DLGAP2: variants seen among roughly 807,000 people sequenced by gnomAD.
DLGAP2 encodes the protein disks large-associated protein 2.
A neutral mutation model predicts 100.3 loss-of-function variants in DLGAP2; 26 were observed. That is an observed-to-expected ratio of 0.26 (90% CI 0.19 to 0.36). The LOEUF (loss-of-function observed/expected upper bound fraction) is 0.36. Ranked by LOEUF, DLGAP2 falls within the 10% of genes least tolerant of loss-of-function variation. The pLI, the probability that DLGAP2 is intolerant of heterozygous loss-of-function variation, is 1.00. For missense variants in DLGAP2, 1,858 were observed against 1,453.2 expected, an observed-to-expected ratio of 1.28 and a Z score of -4.53; for synonymous variants, 886 against 630.1, an observed-to-expected ratio of 1.41 and a Z score of -6.08.
intron 2 of DLGAP2, among the ~76,000 whole-genome samples, chr8:1,121,330 A>G (rs1796041780): frequency 1.4e-5 from 2 of 147,354 alleles, no homozygotes; most frequent in African/African-American, 2.5e-5. Flanking sequence ...TTCAGAACCC[A>G]TGACCACCCA....
intron 7 of DLGAP2, among the ~76,000 whole-genome samples, chr8:1,630,998 G>A (rs1797630340): frequency 6.7e-6 from 1 of 148,666 alleles, no homozygotes; most frequent in Non-Finnish European, 1.5e-5. Flanking sequence ...TGTCCCGAGG[G>A]TCTCGGCGGG....
At chr8:1,276,076 A>G (rs1301922076) in intron 3 of DLGAP2, among the ~76,000 whole-genome samples, 6 of 142,318 alleles carry the variant, frequency 4.2e-5, no homozygotes, top group African/African-American at 1.0e-4. Flanking sequence ...AATATATAAT[A>G]TATAAATAAA....
At chr8:1,483,625 G>A (rs60734105) in intron 3 of DLGAP2, among the ~76,000 whole-genome samples, 198 of 130,162 alleles carry the variant, frequency 1.5e-3, no homozygotes, top group Admixed American at 3.0e-3. Flanking sequence ...CTGCTGTGCA[G>A]GAGGCTCAGG....
chr8:926,114 CT>C (rs1418455494), intron 2 of DLGAP2, among the ~76,000 whole-genome samples: 1 of 152,146 alleles, frequency 6.6e-6, no homozygotes, highest in Non-Finnish European at 1.5e-5. Flanking sequence ...GGAGGGATGG[CT>C]TTTCCTGGGC....
At chr8:787,714 G>A (rs1450956574) in intron 1 of DLGAP2, among the ~76,000 whole-genome samples, 2 of 152,168 alleles carry the variant, frequency 1.3e-5, no homozygotes, top group Non-Finnish European at 2.9e-5. Context: ...AGATCACCCT[G>A]GGGGCTGTCT....
chr8:862,629 C>G (rs1797415070), intron 1 of DLGAP2, among the ~76,000 whole-genome samples: 1 of 152,144 alleles, frequency 6.6e-6, no homozygotes, highest in South Asian at 2.1e-4. Context: ...ACTGTGTGAT[C>G]CTGGGAAAAC....
intron 4 of DLGAP2, among the ~76,000 whole-genome samples, chr8:1,541,189 C>A (rs1801351203): frequency 6.6e-6 from 1 of 152,184 alleles, no homozygotes; most frequent in African/African-American, 2.4e-5. Flanking sequence ...TCCACTGAGC[C>A]CCTAATGCAC....
chr8:801,091 G>A (rs373192932), intron 1 of DLGAP2, among the ~76,000 whole-genome samples: 7 of 152,288 alleles, frequency 4.6e-5, no homozygotes, highest in African/African-American at 1.2e-4. Context: ...ACCACGCTGC[G>A]TGTTCACAGA....
chr8:903,715 G>A lies in DLGAP2; in HGVS notation c.19-4197G>A, dbSNP rs143024240. 3.2e-3 allele frequency among the ~76,000 whole-genome samples: 493 copies of A among 152,262 alleles called. 1 individual carries two copies. Among genetic ancestry groups the A allele is most frequent in the Admixed American group, 6.9e-3 (106 of 15,290 alleles). On this transcript the variant is annotated intron_variant, in intron 1 of 14. Coordinates refer to ENST00000637795, the MANE Select transcript of DLGAP2 (RefSeq NM_001346810.2). ...CCGCCCGCACCCCGGTGATGTTATG[G>A]CTGAAACGTGTCTCCCAAAAAGTGT...
intron 2 of DLGAP2, among the ~76,000 whole-genome samples, chr8:999,319 A>G (rs1221949169): frequency 6.7e-6 from 1 of 149,234 alleles, no homozygotes; most frequent in Non-Finnish European, 1.5e-5. Flanking sequence ...TCCCCTTTCC[A>G]TCTCCTGTTA....
At chr8:1,196,687 A>G (rs1006794165) in intron 2 of DLGAP2, among the ~76,000 whole-genome samples, 2 of 152,186 alleles carry the variant, frequency 1.3e-5, no homozygotes, top group African/African-American at 4.8e-5. Context: ...AGGTAGTGCC[A>G]TCTGCCATGA....
At chr8:818,048 G>C (rs553087319) in intron 1 of DLGAP2, among the ~76,000 whole-genome samples, 68 of 152,268 alleles carry the variant, frequency 4.5e-4, no homozygotes, top group Admixed American at 5.9e-4. Context: ...CAGTGGGCAG[G>C]GCCATAGAGC....
chr8:898,352 C>G (rs1252132368), intron 1 of DLGAP2, among the ~76,000 whole-genome samples: 1 of 152,148 alleles, frequency 6.6e-6, no homozygotes, highest in African/African-American at 2.4e-5. Context: ...ACAAAGCACA[C>G]GCATCTCCTC....
At chr8:903,561 G>T (rs906176482) in intron 1 of DLGAP2, among the ~76,000 whole-genome samples, 3 of 152,086 alleles carry the variant, frequency 2.0e-5, no homozygotes, top group Non-Finnish European at 4.4e-5. Flanking sequence ...TCATCGCGAG[G>T]CAGCTTGTTT....
At chr8:1,686,489 G>A (rs1447296710) in intron 12 of DLGAP2, among the ~76,000 whole-genome samples, 2 of 152,144 alleles carry the variant, frequency 1.3e-5, no homozygotes, top group African/African-American at 4.8e-5. Flanking sequence ...CCAACATGGT[G>A]AAACCCTGTC....
intron 4 of DLGAP2, among the ~76,000 whole-genome samples, chr8:1,533,809 T>C (rs892917362): frequency 6.6e-6 from 1 of 152,062 alleles, no homozygotes; most frequent in African/African-American, 2.4e-5. Flanking sequence ...AATTAAAAAA[T>C]AGCCTGGCAC....
At chr8:893,317 C>T (rs945305431) in intron 1 of DLGAP2, among the ~76,000 whole-genome samples, 8 of 152,194 alleles carry the variant, frequency 5.3e-5, no homozygotes, top group South Asian at 4.1e-4. Flanking sequence ...AAGGCAGGCA[C>T]GGTGGAAGAC....
intron 4 of DLGAP2, among the ~76,000 whole-genome samples, chr8:1,545,631 T>C (rs1349621192): frequency 6.6e-6 from 1 of 152,222 alleles, no homozygotes; most frequent in Non-Finnish European, 1.5e-5. Context: ...AGCTTAGTGC[T>C]CGTTACATGT....
intron 6 of DLGAP2, among the ~76,000 whole-genome samples, chr8:1,605,210 C>T (rs904275621): frequency 2.6e-5 from 4 of 152,136 alleles, no homozygotes; most frequent in Admixed American, 6.5e-5. Context: ...TGCACAGAAC[C>T]GAATGCAAGC....
Sources: allele counts gnomAD v4.1 joint callset (sites outside exome capture counted in the v4.1 genomes callset), GRCh38; gene constraint gnomAD v4.1.1; transcripts MANE v1.5; gene names NCBI Gene and HGNC (gene_info 2026-07-23, HGNC 2026-07-21).